HDX: variants seen among roughly 807,000 people sequenced by gnomAD.
HDX encodes the protein highly divergent homeobox.
Under a neutral mutation model 45.2 loss-of-function variants are expected in HDX, and 19 were observed. That is an observed-to-expected ratio of 0.42 (90% CI 0.29 to 0.62). HDX has a LOEUF of 0.62. Among genes scored for constraint, HDX ranks in the 20% least tolerant of loss-of-function variants. The probability of loss-of-function intolerance (pLI) is 0.20; values close to 1 mark genes in which losing one functional copy is unlikely to be tolerated. For missense variants in HDX, 532 were observed against 493.9 expected (o/e 1.08, Z -0.73); for synonymous variants, 188 against 172.8 (o/e 1.09, Z -0.69).
rs768261087 is a variant in HDX at position 84,318,632 on chromosome X, T to C, written c.*3257A>G. 9.9e-5 allele frequency: 11 copies of C among 111,272 alleles called. No homozygotes were observed. The highest frequency in any genetic ancestry group is 3.2e-4 in the African/African-American group (10 of 30,868). The allele number at this position is 111,272 out of a possible 1,213,427, so 9.2% of individuals were successfully genotyped here. A position where few individuals can be genotyped will look rare whatever the true frequency, so the allele number is the denominator to read the frequency against. ...AAAATTATTTTAAATTAACCACTTA[T>C]GTTTTCTCCTACAAACTTACAGACT... On this transcript the variant is annotated 3_prime_UTR_variant, in exon 11 of 11. Coordinates refer to ENST00000373177, the MANE Select transcript of HDX (RefSeq NM_001177479.2).
At chrX:84,399,041 C>T (rs770784324) in intron 5 of HDX, among the ~76,000 whole-genome samples, 31 of 111,279 alleles carry the variant, frequency 2.8e-4, no homozygotes, top group Non-Finnish European at 5.1e-4. Flanking sequence ...AACAACATAC[C>T]AGAATATCTT....
chrX:84,370,010 T>C (rs750250615), intron 5 of HDX, among the ~76,000 whole-genome samples: 1 of 112,241 alleles, frequency 8.9e-6, no homozygotes, highest in Non-Finnish European at 1.9e-5. Flanking sequence ...GTGAAGATGT[T>C]TCTGAATTAG....
chrX:84,353,503 A>G (rs755241989), intron 6 of HDX, among the ~76,000 whole-genome samples: 1 of 111,811 alleles, frequency 8.9e-6, no homozygotes, highest in Non-Finnish European at 1.9e-5. Flanking sequence ...CTGACCTTCC[A>G]GCACCTTGGT....
At chrX:84,341,261 A>T (rs1433842211) in intron 7 of HDX, among the ~76,000 whole-genome samples, 2 of 111,110 alleles carry the variant, frequency 1.8e-5, no homozygotes, top group Non-Finnish European at 3.8e-5. Flanking sequence ...CAATTTAGTA[A>T]ACACTAACCA....
intron 5 of HDX, among the ~76,000 whole-genome samples, chrX:84,394,137 T>C (rs994403907): frequency 3.6e-5 from 4 of 111,490 alleles, no homozygotes; most frequent in African/African-American, 1.3e-4. Context: ...CTTATTGCTA[T>C]AAACTTCCCT....
chrX:84,377,973 A>G (rs2038096361), intron 5 of HDX, among the ~76,000 whole-genome samples: 1 of 111,696 alleles, frequency 9.0e-6, no homozygotes, highest in Admixed American at 9.5e-5. Flanking sequence ...AAACTCCCAA[A>G]CATAGATGAT....
chrX:84,474,309 TAAAAG>T (rs1181052871), intron 3 of HDX, among the ~76,000 whole-genome samples: 2 of 111,636 alleles, frequency 1.8e-5, no homozygotes, highest in Non-Finnish European at 3.8e-5. Context: ...AAGAAAAAAA[TAAAAG>T]AAACAGATAT....
rs7055547 is a variant in HDX, at chrX:84,367,823, A to G, written c.1306-6211T>C. Among the ~76,000 whole-genome samples, 944 of 111,437 alleles carry G rather than the reference A, an allele frequency of 8.5e-3. 7 individuals are homozygous for G. Among genetic ancestry groups the G allele is most frequent in the African/African-American group, 0.029 (883 of 30,620 alleles). ...CAATGAGAACACATGGACACAGGGAAGGGAACATCACACCACTGAGGCCTG... is the reference window on the plus strand; with the variant it reads ...CAATGAGAACACATGGACACAGGGAGGGGAACATCACACCACTGAGGCCTG... On this transcript the variant is annotated intron_variant, in intron 5 of 10. Transcript: ENST00000373177.
intron 5 of HDX, among the ~76,000 whole-genome samples, chrX:84,363,763 T>C (rs1412569110): frequency 8.9e-6 from 1 of 112,243 alleles, no homozygotes; most frequent in Non-Finnish European, 1.9e-5. Flanking sequence ...AAAGAAAAGA[T>C]GAATTTTTTC....
intron 5 of HDX, among the ~76,000 whole-genome samples, chrX:84,406,493 CACACACAT>C (rs1197671583): frequency 2.8e-5 from 2 of 72,683 alleles, no homozygotes; most frequent in African/African-American, 8.9e-5. Context: ...CACACACACA[CACACACAT>C]ACACACACAC....
chrX:84,480,548 C>A (rs148543713), intron 2 of HDX, among the ~76,000 whole-genome samples: 4,845 of 110,692 alleles, frequency 0.044, 254 homozygotes, highest in African/African-American at 0.15. Context: ...AGTTCTTCTT[C>A]TTATTATTAT....
chrX:84,385,093 C>G (rs758846270), intron 5 of HDX, among the ~76,000 whole-genome samples: 2 of 106,505 alleles, frequency 1.9e-5, no homozygotes, highest in East Asian at 6.0e-4. Context: ...AGGAATAGCA[C>G]TGACTGTTAA....
intron 4 of HDX, among the ~76,000 whole-genome samples, chrX:84,457,231 TCTC>T (rs1417819272): frequency 8.1e-5 from 9 of 111,527 alleles, no homozygotes; most frequent in African/African-American, 2.3e-4. Flanking sequence ...ACATTTAACT[TCTC>T]CTACACAATT....
chrX:84,354,098 T>C (rs2037419921), intron 6 of HDX, among the ~76,000 whole-genome samples: 1 of 111,916 alleles, frequency 8.9e-6, no homozygotes, highest in Non-Finnish European at 1.9e-5. Flanking sequence ...AGTTATTTTA[T>C]CACTCTAAGC....
At chrX:84,387,900 G>T (rs2038355759) in intron 5 of HDX, among the ~76,000 whole-genome samples, 1 of 111,909 alleles carries the variant, frequency 8.9e-6, no homozygotes, top group Non-Finnish European at 1.9e-5. Context: ...TATAGAACCT[G>T]TGTGCTGTGT....
chrX:84,467,170 C>A (rs368729725), intron 4 of HDX, among the ~76,000 whole-genome samples: 73 of 111,210 alleles, frequency 6.6e-4, no homozygotes, highest in African/African-American at 2.4e-3. Flanking sequence ...GTGTTATGGC[C>A]AGATGACAGA....
chrX:84,352,172 T>C (rs919543898), intron 6 of HDX, among the ~76,000 whole-genome samples: 2 of 112,353 alleles, frequency 1.8e-5, no homozygotes, highest in African/African-American at 6.5e-5. Context: ...TTGGTTAGAT[T>C]TCAAAAAATA....
chrX:84,431,589 C>A (rs1472136315), intron 5 of HDX, among the ~76,000 whole-genome samples: 2 of 111,208 alleles, frequency 1.8e-5, no homozygotes, highest in Non-Finnish European at 3.8e-5. Context: ...TTGCATTTCT[C>A]TAATGATTAT....
chrX:84,461,776 G>A (rs761149536), intron 4 of HDX, among the ~76,000 whole-genome samples: 1 of 111,078 alleles, frequency 9.0e-6, no homozygotes, highest in South Asian at 3.7e-4. Context: ...GTCTGATAAG[G>A]GATTAATAAT....
Sources: gnomAD v4.1 joint callset for allele counts (sites outside exome capture counted in the v4.1 genomes callset) on GRCh38, gnomAD v4.1.1 for gene constraint, MANE v1.5 for transcripts, NCBI Gene and HGNC (gene_info 2026-07-23, HGNC 2026-07-21) for gene names.